The following STYXL1 variants were observed in gnomAD, a reference collection of about 807,000 sequenced individuals.
STYXL1 encodes the protein serine/threonine/tyrosine interacting like 1.
STYXL1 carries 32 observed loss-of-function variants against 36.4 expected under a neutral mutation model. The observed-to-expected ratio is 0.88, with a 90% CI of 0.66 to 1.18. The LOEUF is 1.18. Ranked by LOEUF, STYXL1 falls within the 50% of genes most tolerant of loss-of-function variation. The pLI is 0.00. For synonymous variants in STYXL1, 133 were observed against 144.1 expected (o/e 0.92, Z 0.55); for missense variants, 354 against 394.1 (o/e 0.90, Z 0.86).
chr7:76,039,956 A>G (rs782154463), intron 1 of STYXL1, among the ~76,000 whole-genome samples: 3 of 152,250 alleles, frequency 2.0e-5, no homozygotes, highest in Non-Finnish European at 4.4e-5. Flanking sequence ...CTCCATCGCT[A>G]GTACCTCTAT....
At chr7:76,015,591 T>C (rs1252115650) in intron 4 of STYXL1, among the ~76,000 whole-genome samples, 1 of 152,122 alleles carries the variant, frequency 6.6e-6, no homozygotes, top group Non-Finnish European at 1.5e-5. Flanking sequence ...GCCTGCAGAA[T>C]GGGAGAAAGT....
intron 4 of STYXL1, among the ~76,000 whole-genome samples, chr7:76,014,266 T>G (rs1211658214): frequency 6.6e-6 from 1 of 151,900 alleles, no homozygotes. Flanking sequence ...TGAGCCACCA[T>G]GCCCGGCTTG....
At chr7:76,039,240 A>G (rs782584987) in intron 1 of STYXL1, among the ~76,000 whole-genome samples, 5 of 148,520 alleles carry the variant, frequency 3.4e-5, no homozygotes, top group Non-Finnish European at 7.4e-5. Context: ...CCGGCCAACT[A>G]ATTTTTTTTA....
Position 75,996,689 on chromosome 7 carries a change from C to T in STYXL1, c.811-90G>A, listed in dbSNP as rs1790175905. 1.0e-5 allele frequency: 13 copies of T among 1,299,438 alleles called. No homozygotes were observed. The South Asian group carries it at 1.5e-4, about 15-fold the overall frequency. The allele number at this position is 1,299,438 out of a possible 1,614,324, so 80.5% of individuals were successfully genotyped here. On this transcript the variant is annotated intron_variant, in intron 8 of 8. Coordinates refer to ENST00000359697, the MANE Select transcript of STYXL1 (RefSeq NM_001317785.2). ...AGGCAGCTTTCAGAGACAGGAGGCA[C>T]TTGCACAGTGCCAGCAACACGGCTT...
chr7:76,042,721 T>C (rs1554582467), intron 1 of STYXL1, among the ~76,000 whole-genome samples: 1 of 152,070 alleles, frequency 6.6e-6, no homozygotes, highest in Non-Finnish European at 1.5e-5. Flanking sequence ...TGTGCTTTTC[T>C]CCACAGTCCA....
chr7:76,013,408 G>GTT (rs781872577), intron 5 of STYXL1, among the ~76,000 whole-genome samples: 1 of 147,028 alleles, frequency 6.8e-6, no homozygotes, highest in Non-Finnish European at 1.5e-5. Flanking sequence ...TCCAGATCTA[G>GTT]TTTTTTTTTT....
intron 5 of STYXL1, among the ~76,000 whole-genome samples, chr7:76,009,659 T>C (rs1554571663): frequency 6.6e-6 from 1 of 152,216 alleles, no homozygotes; most frequent in Non-Finnish European, 1.5e-5. Context: ...TCCGCCCGCC[T>C]TGGCCTCCCA....
intron 1 of STYXL1, among the ~76,000 whole-genome samples, chr7:76,033,744 C>T (rs1372563500): frequency 6.6e-6 from 1 of 152,142 alleles, no homozygotes. Context: ...CCTATCTGTT[C>T]TTCTTTCCAG....
intron 8 of STYXL1, among the ~76,000 whole-genome samples, chr7:75,999,491 T>TTGTGTATGTGTGTGTGTGTG (rs150572317): frequency 2.7e-5 from 3 of 111,238 alleles, no homozygotes; most frequent in Non-Finnish European, 3.6e-5. Context: ...AATTTTTTTG[T>TTGTGTATGTGTGTGTGTGTG]TGTGTGTGTG....
chr7:76,011,465 A>G (rs1478631800), intron 5 of STYXL1, among the ~76,000 whole-genome samples: 1 of 152,222 alleles, frequency 6.6e-6, no homozygotes, highest in East Asian at 1.9e-4. Context: ...ACATCCTGTG[A>G]ATAGTCACAT....
chr7:76,026,643 G>C (rs868921653), intron 3 of STYXL1, among the ~76,000 whole-genome samples: 1 of 152,234 alleles, frequency 6.6e-6, no homozygotes, highest in Non-Finnish European at 1.5e-5. Context: ...CATTGCAGCT[G>C]TAAGCTCCAG....
Position 76,007,920 on chromosome 7 carries a change from C to T in STYXL1, c.454-2516G>A, listed in dbSNP as rs1480543908. On this transcript the variant is annotated intron_variant, in intron 5 of 8. Transcript: ENST00000359697. ...TCAAAAAAAAAAAAAAAAAAATAGC[C>T]GGGCACAGTGCCTCATGCTTATAAT... Among the ~76,000 whole-genome samples the T allele has an allele frequency of 3.3e-5, 5 of 149,796 alleles. No individual in the cohort carries two copies. The East Asian group carries it at 5.9e-4, about 18-fold the overall frequency.
At chr7:76,012,405 T>C (rs1554572484) in intron 5 of STYXL1, among the ~76,000 whole-genome samples, 1 of 152,050 alleles carries the variant, frequency 6.6e-6, no homozygotes. Flanking sequence ...TTCTAAATTA[T>C]TTTTTTGAGC....
chr7:76,008,737 G>A (rs1792150799), intron 5 of STYXL1, among the ~76,000 whole-genome samples: 1 of 152,182 alleles, frequency 6.6e-6, no homozygotes, highest in Non-Finnish European at 1.5e-5. Context: ...CAGGCATGGT[G>A]GCTGATGCTT....
intron 7 of STYXL1, among the ~76,000 whole-genome samples, chr7:76,002,274 T>C (rs761239722): frequency 2.0e-4 from 31 of 152,130 alleles, no homozygotes; most frequent in Non-Finnish European, 7.3e-5. Context: ...AAATATCAGC[T>C]CTAATCACAG....
At chr7:76,027,904 G>A (rs1185985567) in intron 3 of STYXL1, among the ~76,000 whole-genome samples, 1 of 151,586 alleles carries the variant, frequency 6.6e-6, no homozygotes, top group African/African-American at 2.4e-5. Flanking sequence ...AGGAGTTCAA[G>A]AGCAGCCTGG....
chr7:76,045,021 A>G (rs1257676271), intron 1 of STYXL1: 1 of 152,224 alleles, frequency 6.6e-6, no homozygotes, highest in Non-Finnish European at 1.5e-5. Flanking sequence ...ACAACTCAGC[A>G]TAACTCCCAA....
chr7:75,998,783 C>T (rs7785025), intron 8 of STYXL1: 83,807 of 152,084 alleles, frequency 0.55, 25,405 homozygotes, highest in Non-Finnish European at 0.7. Context: ...ATCGATACAC[C>T]GCTAGCCAGG....
intron 5 of STYXL1, among the ~76,000 whole-genome samples, chr7:76,008,031 T>C (rs1266261253): frequency 2.0e-5 from 3 of 151,422 alleles, no homozygotes; most frequent in Non-Finnish European, 4.4e-5. Context: ...AAACCCTGTC[T>C]CTACTAAAAA....
Sources: allele counts gnomAD v4.1 joint callset (sites outside exome capture counted in the v4.1 genomes callset), GRCh38; gene constraint gnomAD v4.1.1; transcripts MANE v1.5; gene names NCBI Gene and HGNC (gene_info 2026-07-23, HGNC 2026-07-21).